CHCHD3: variants seen among roughly 807,000 people sequenced by gnomAD.
The protein encoded by CHCHD3 is coiled-coil-helix-coiled-coil-helix domain containing 3, also known as MICOS complex subunit MIC19.
In CHCHD3, 20 loss-of-function variants were observed where a neutral mutation model predicts 38.2. That is an observed-to-expected ratio of 0.52 (90% confidence interval 0.37 to 0.76). CHCHD3 has a LOEUF of 0.76. CHCHD3 is among the 30% of genes least tolerant of loss of function. The pLI is 0.00. For synonymous variants in CHCHD3, 82 were observed against 100.0 expected, an observed-to-expected ratio of 0.82 and a Z score of 1.07; for missense variants, 245 against 279.2, an observed-to-expected ratio of 0.88 and a Z score of 0.87.
chr7:132,914,620 C>T (rs1378799909), intron 4 of CHCHD3, among the ~76,000 whole-genome samples: 1 of 152,096 alleles, frequency 6.6e-6, no homozygotes, highest in Non-Finnish European at 1.5e-5. Flanking sequence ...CTTATCTTTT[C>T]CAGACAACAG....
At chr7:132,811,612 C>A (rs1807071833) in intron 6 of CHCHD3, among the ~76,000 whole-genome samples, 1 of 152,176 alleles carries the variant, frequency 6.6e-6, no homozygotes. Context: ...ACTGCTCTTG[C>A]TAAAATCAGA....
intron 4 of CHCHD3, among the ~76,000 whole-genome samples, chr7:132,946,923 G>A (rs1810916941): frequency 6.6e-6 from 1 of 151,748 alleles, no homozygotes; most frequent in Admixed American, 6.6e-5. Flanking sequence ...TAAAACATTT[G>A]CCAAGCTGCT....
intron 5 of CHCHD3, among the ~76,000 whole-genome samples, chr7:132,862,805 C>T (rs1273574480): frequency 1.3e-5 from 2 of 152,186 alleles, no homozygotes; most frequent in Non-Finnish European, 2.9e-5. Flanking sequence ...ATCATCTTTA[C>T]CAACAGTAGA....
At chr7:132,966,895 TATG>T (rs1264419517) in intron 4 of CHCHD3, among the ~76,000 whole-genome samples, 7 of 152,216 alleles carry the variant, frequency 4.6e-5, no homozygotes, top group Non-Finnish European at 1.0e-4. Context: ...GAAATGAGAT[TATG>T]ATGTCAGTTC....
chr7:132,973,268 A>C, intron 4 of CHCHD3: 1 of 985,394 alleles, frequency 1.0e-6, no homozygotes, highest in Non-Finnish European at 1.2e-6. Flanking sequence ...GCTGGAAACT[A>C]AGAGTTTTGC....
chr7:133,042,924 C>T, intron 2 of CHCHD3, among the ~76,000 whole-genome samples: 1 of 152,236 alleles, frequency 6.6e-6, no homozygotes, highest in Non-Finnish European at 1.5e-5. Flanking sequence ...TGGAGCCTAG[C>T]AGCACAAACA....
intron 2 of CHCHD3, among the ~76,000 whole-genome samples, chr7:133,069,413 T>C (rs1287648767): frequency 6.6e-6 from 1 of 152,154 alleles, no homozygotes; most frequent in Non-Finnish European, 1.5e-5. Flanking sequence ...TTCTAATAAG[T>C]ACAGGAAAAT....
At chr7:132,974,163 T>G in intron 4 of CHCHD3, 1 of 482,552 alleles carries the variant, frequency 2.1e-6, no homozygotes, top group Non-Finnish European at 3.3e-6. Context: ...ACACCATCTA[T>G]AGCATTATCT....
chr7:133,062,810 G>A (rs1024833740), intron 2 of CHCHD3, among the ~76,000 whole-genome samples: 7 of 152,008 alleles, frequency 4.6e-5, no homozygotes, highest in African/African-American at 7.2e-5. Flanking sequence ...GGGAGTGTCC[G>A]GCCCACTTGA....
intron 2 of CHCHD3, among the ~76,000 whole-genome samples, chr7:133,052,740 A>G (rs1213769826): frequency 3.9e-5 from 6 of 152,208 alleles, no homozygotes; most frequent in Non-Finnish European, 8.8e-5. Context: ...TGGAATCCAA[A>G]GTTGATATTT....
At chr7:132,994,009 A>G (rs1013461808) in intron 3 of CHCHD3, among the ~76,000 whole-genome samples, 17 of 152,128 alleles carry the variant, frequency 1.1e-4, no homozygotes, top group African/African-American at 4.1e-4. Context: ...GGGTTACTTA[A>G]AGAATTTTAG....
intron 4 of CHCHD3, among the ~76,000 whole-genome samples, chr7:132,922,090 G>C (rs1376947153): frequency 6.6e-6 from 1 of 152,138 alleles, no homozygotes; most frequent in Non-Finnish European, 1.5e-5. Context: ...CTCACAAAGA[G>C]AAATGGACAG....
chr7:132,972,110 A>G (rs572520757), intron 4 of CHCHD3, among the ~76,000 whole-genome samples: 1 of 152,328 alleles, frequency 6.6e-6, no homozygotes, highest in African/African-American at 2.4e-5. Flanking sequence ...TATACCTCTA[A>G]ACATTAATGA....
intron 2 of CHCHD3, among the ~76,000 whole-genome samples, chr7:133,044,945 G>A (rs573087624): frequency 1.8e-4 from 27 of 152,320 alleles, no homozygotes; most frequent in East Asian, 3.9e-4. Flanking sequence ...GGAAAGCAAC[G>A]CACATACTCA....
At chr7:132,846,033 T>C (rs1808068705) in intron 5 of CHCHD3, among the ~76,000 whole-genome samples, 1 of 152,218 alleles carries the variant, frequency 6.6e-6, no homozygotes, top group South Asian at 2.1e-4. Flanking sequence ...TACCCTCCCC[T>C]GTTCTCTCAG....
chr7:132,985,557 G>C (rs1460331422), intron 3 of CHCHD3, among the ~76,000 whole-genome samples: 1 of 87,632 alleles, frequency 1.1e-5, no homozygotes, highest in African/African-American at 4.5e-5. Flanking sequence ...GAGGTGGGGG[G>C]GTCAGCCCCC....
chr7:132,928,868 CT>C (rs1266122253), intron 4 of CHCHD3, among the ~76,000 whole-genome samples: 5 of 152,096 alleles, frequency 3.3e-5, no homozygotes, highest in Non-Finnish European at 5.9e-5. Flanking sequence ...AAGCAGGGTT[CT>C]CCTTCTCTTT....
intron 3 of CHCHD3, among the ~76,000 whole-genome samples, chr7:133,012,196 TTTTC>T (rs768069968): frequency 7.9e-5 from 12 of 152,332 alleles, no homozygotes; most frequent in South Asian, 2.1e-4. Context: ...CTTGGGCTCC[TTTTC>T]TTTAATTCTA....
chr7:132,982,680 G>A (rs774342052), intron 3 of CHCHD3, among the ~76,000 whole-genome samples: 11 of 152,196 alleles, frequency 7.2e-5, no homozygotes, highest in Non-Finnish European at 8.8e-5. Context: ...TTTGATGGGT[G>A]TAACTCATTT....
Sources: allele counts gnomAD v4.1 joint callset (sites outside exome capture counted in the v4.1 genomes callset), GRCh38; gene constraint gnomAD v4.1.1; transcripts MANE v1.5; gene names NCBI Gene and HGNC (gene_info 2026-07-23, HGNC 2026-07-21).